EPHA6: variants seen among roughly 807,000 people sequenced by gnomAD.
The protein encoded by EPHA6 is ephrin type-A receptor 6.
EPHA6 carries 50 observed loss-of-function variants against 112.0 expected under a neutral mutation model. That is an observed-to-expected ratio of 0.45 (90% CI 0.36 to 0.56). The LOEUF (loss-of-function observed/expected upper bound fraction) is 0.56, where lower values mean the gene tolerates loss of function less well. Ranked by LOEUF, EPHA6 falls within the 20% of genes least tolerant of loss-of-function variation. EPHA6 has a pLI of 0.00. For synonymous variants in EPHA6, 529 were observed against 490.7 expected (o/e 1.08, Z -1.03); for missense variants, 1,280 against 1,417.4 (o/e 0.90, Z 1.56).
intron 5 of EPHA6, among the ~76,000 whole-genome samples, chr3:97,369,743 A>T (rs1338975852): frequency 6.6e-6 from 1 of 152,208 alleles, no homozygotes; most frequent in African/African-American, 2.4e-5. Flanking sequence ...TAACATTTAT[A>T]TACTGATAAT....
chr3:97,378,108 A>C (rs2085477215), intron 5 of EPHA6, among the ~76,000 whole-genome samples: 1 of 152,134 alleles, frequency 6.6e-6, no homozygotes, highest in Admixed American at 6.5e-5. Context: ...AAATGGTTTT[A>C]TGGGCAGGGC....
intron 3 of EPHA6, among the ~76,000 whole-genome samples, chr3:97,093,313 C>T (rs903922851): frequency 2.0e-5 from 3 of 152,060 alleles, no homozygotes; most frequent in Non-Finnish European, 2.9e-5. Context: ...TCTTGGGAGG[C>T]TGAGGTGGGT....
intron 14 of EPHA6, among the ~76,000 whole-genome samples, chr3:97,672,348 T>G (rs527632955): frequency 3.9e-5 from 6 of 152,294 alleles, no homozygotes; most frequent in African/African-American, 1.4e-4. Flanking sequence ...CTCTTTGAAG[T>G]GTTTTGTTAT....
chr3:97,292,088 G>C (rs940545753), intron 5 of EPHA6, among the ~76,000 whole-genome samples: 1 of 152,258 alleles, frequency 6.6e-6, no homozygotes, highest in Non-Finnish European at 1.5e-5. Flanking sequence ...ACCAGCACAA[G>C]CACCAGCTTT....
chr3:97,151,292 T>A (rs1243077819), intron 3 of EPHA6, among the ~76,000 whole-genome samples: 1 of 152,174 alleles, frequency 6.6e-6, no homozygotes. Flanking sequence ...ATCTTTTGTC[T>A]CCTTTCATAT....
At chr3:97,572,840 A>G (rs2093347731) in intron 11 of EPHA6, 1 of 152,096 alleles carries the variant, frequency 6.6e-6, no homozygotes, top group South Asian at 2.1e-4. Context: ...TAATTGTTAT[A>G]ATTTTTTCAT....
chr3:97,339,894 A>G (rs2083224895), intron 5 of EPHA6, among the ~76,000 whole-genome samples: 1 of 152,186 alleles, frequency 6.6e-6, no homozygotes, highest in Admixed American at 6.5e-5. Flanking sequence ...AGGTCATAAA[A>G]CAGAATTGAG....
intron 2 of EPHA6, among the ~76,000 whole-genome samples, chr3:96,942,625 G>A (rs1005099905): frequency 6.6e-6 from 1 of 152,164 alleles, no homozygotes; most frequent in Non-Finnish European, 1.5e-5. Flanking sequence ...CCACTGTCCT[G>A]CGCCCACTGT....
At position 97,620,765 on chromosome 3, in the gene EPHA6, A is replaced by G. The variant is rs559580820; in HGVS notation, c.2574+9911A>G. 5.9e-5 allele frequency among the ~76,000 whole-genome samples: 9 copies of G among 152,194 alleles called. No individual in the cohort carries two copies. The East Asian group carries it at 1.2e-3, about 20-fold the overall frequency. Reference sequence around the variant, plus strand: ...TATTATTAAAAAATCAAACATTAATAGATGCAGGCAAGGTGGTGGAGAAAA... The same window carrying G: ...TATTATTAAAAAATCAAACATTAATGGATGCAGGCAAGGTGGTGGAGAAAA... On this transcript the variant is annotated intron_variant, in intron 13 of 17. Coordinates refer to ENST00000389672, the MANE Select transcript of EPHA6 (RefSeq NM_001080448.3).
rs1269823011 is a variant in EPHA6, at chr3:97,541,726, T to TG, written c.2386+9184dup. 1.1e-3 allele frequency among the ~76,000 whole-genome samples: 139 copies of TG among 124,108 alleles called. 3 individuals carry two copies. The highest frequency in any genetic ancestry group is 5.5e-3 in the African/African-American group (134 of 24,278). 81.4% of individuals were successfully genotyped at this position (124,108 alleles called of 152,430 possible). A position where few individuals can be genotyped will look rare whatever the true frequency, so the allele number is the denominator to read the frequency against. Reference sequence around the variant, plus strand: ...CGGGTGTGTCTTGTTTTCTTTTTTTTGTTTTTTTTTTTTTGTTTGTTTGTT... The same window carrying TG: ...CGGGTGTGTCTTGTTTTCTTTTTTTTGGTTTTTTTTTTTTTGTTTGTTTGTT... On this transcript the variant is annotated intron_variant, in intron 11 of 17. Coordinates refer to ENST00000389672, the MANE Select transcript of EPHA6 (RefSeq NM_001080448.3).
intron 3 of EPHA6, among the ~76,000 whole-genome samples, chr3:97,128,324 A>G (rs778244378): frequency 6.6e-6 from 1 of 152,168 alleles, no homozygotes; most frequent in African/African-American, 2.4e-5. Context: ...CATGCATGCC[A>G]GTGTCTTTTT....
chr3:96,978,462 T>C (rs2042620107), intron 2 of EPHA6, among the ~76,000 whole-genome samples: 1 of 152,204 alleles, frequency 6.6e-6, no homozygotes, highest in Non-Finnish European at 1.5e-5. Context: ...ACTAATGTTA[T>C]ATTTTATGGC....
chr3:96,930,741 C>A (rs1008849439), intron 2 of EPHA6, among the ~76,000 whole-genome samples: 2 of 151,914 alleles, frequency 1.3e-5, no homozygotes, highest in African/African-American at 2.4e-5. Context: ...CCTGTAATCC[C>A]GGAACTTTGG....
intron 13 of EPHA6, among the ~76,000 whole-genome samples, chr3:97,615,110 T>C (rs2093754303): frequency 6.6e-6 from 1 of 151,830 alleles, no homozygotes. Context: ...CTACAGAGAA[T>C]GGAGAAAAGA....
At chr3:97,581,962 G>C (rs1025712229) in intron 11 of EPHA6, among the ~76,000 whole-genome samples, 1 of 152,158 alleles carries the variant, frequency 6.6e-6, no homozygotes, top group East Asian at 1.9e-4. Context: ...GAATCTTCCT[G>C]TATGTTTGCA....
chr3:97,376,496 A>G (rs1207960251), intron 5 of EPHA6, among the ~76,000 whole-genome samples: 1 of 152,214 alleles, frequency 6.6e-6, no homozygotes, highest in Non-Finnish European at 1.5e-5. Context: ...ACAGTATGTT[A>G]TCAGAATCAG....
intron 5 of EPHA6, among the ~76,000 whole-genome samples, chr3:97,304,339 G>A (rs758358184): frequency 2.6e-5 from 4 of 151,498 alleles, no homozygotes; most frequent in African/African-American, 9.7e-5. Context: ...AAGGAAAGGG[G>A]CAATGCTATT....
chr3:97,236,051 G>A (rs761213845), intron 4 of EPHA6, among the ~76,000 whole-genome samples: 3 of 151,636 alleles, frequency 2.0e-5, no homozygotes, highest in Non-Finnish European at 2.9e-5. Context: ...TTTCTCAGGT[G>A]ACTCATTAAA....
intron 1 of EPHA6, among the ~76,000 whole-genome samples, chr3:96,831,293 T>G (rs2034061994): frequency 6.6e-6 from 1 of 152,146 alleles, no homozygotes; most frequent in Non-Finnish European, 1.5e-5. Context: ...TCTTGATTAA[T>G]GAGCAGTAAT....
Sources: gnomAD v4.1 joint callset for allele counts (sites outside exome capture counted in the v4.1 genomes callset) on GRCh38, gnomAD v4.1.1 for gene constraint, MANE v1.5 for transcripts, NCBI Gene and HGNC (gene_info 2026-07-23, HGNC 2026-07-21) for gene names.